The following CFAP95 variants were observed in gnomAD, a reference collection of about 807,000 sequenced individuals.
CFAP95 encodes the protein cilia and flagella associated protein 95, also known as cilia- and flagella-associated protein 95.
the CFAP95 span, among the ~76,000 whole-genome samples, chr9:69,843,316 A>G: frequency 6.6e-6 from 1 of 152,016 alleles, no homozygotes; most frequent in Non-Finnish European, 1.5e-5. Context: ...GTAACTTCTG[A>G]GGGTTGCTTA....
At chr9:69,824,219 C>T in the CFAP95 span, among the ~76,000 whole-genome samples, 3 of 151,906 alleles carry the variant, frequency 2.0e-5, no homozygotes, top group African/African-American at 7.3e-5. Context: ...AGGATAGGGA[C>T]AAAAAAGAAC....
the CFAP95 span, among the ~76,000 whole-genome samples, chr9:69,880,708 A>G: frequency 6.6e-6 from 1 of 152,138 alleles, no homozygotes; most frequent in Non-Finnish European, 1.5e-5. Flanking sequence ...ATGATAGCTC[A>G]ATTGTTAGCT....
chr9:69,824,558 CTT>C, the CFAP95 span, among the ~76,000 whole-genome samples: 62 of 138,730 alleles, frequency 4.5e-4, no homozygotes, highest in Middle Eastern at 3.7e-3. Flanking sequence ...CTATTTAATG[CTT>C]TTTTTTTTTT....
At chr9:69,898,224 A>G in the CFAP95 span, among the ~76,000 whole-genome samples, 2 of 152,080 alleles carry the variant, frequency 1.3e-5, no homozygotes, top group Non-Finnish European at 2.9e-5. Context: ...GTTGATTACC[A>G]CCACATTCTT....
At chr9:69,845,475 T>C in the CFAP95 span, among the ~76,000 whole-genome samples, 1 of 152,202 alleles carries the variant, frequency 6.6e-6, no homozygotes, top group Non-Finnish European at 1.5e-5. Flanking sequence ...GGGCTAGTTT[T>C]AGACCAGCAT....
At chr9:69,877,913 T>C in the CFAP95 span, among the ~76,000 whole-genome samples, 1 of 152,222 alleles carries the variant, frequency 6.6e-6, no homozygotes, top group Non-Finnish European at 1.5e-5. Flanking sequence ...TTTTTATTCT[T>C]CTTTATTGTG....
the CFAP95 span, among the ~76,000 whole-genome samples, chr9:69,902,724 G>A: frequency 6.7e-6 from 1 of 149,260 alleles, no homozygotes; most frequent in Non-Finnish European, 1.5e-5. Context: ...GTTAAACTTT[G>A]AAAAGCATAC....
chr9:69,855,882 T>G, the CFAP95 span, among the ~76,000 whole-genome samples: 6 of 152,332 alleles, frequency 3.9e-5, no homozygotes, highest in South Asian at 1.2e-3. Context: ...TGAGGCTTCA[T>G]GAATATCTTG....
chr9:69,869,385 C>T, the CFAP95 span, among the ~76,000 whole-genome samples: 1 of 152,048 alleles, frequency 6.6e-6, no homozygotes, highest in African/African-American at 2.4e-5. Context: ...CTCACTTCTA[C>T]GTGGAATCTA....
chr9:69,844,340 A>T, the CFAP95 span, among the ~76,000 whole-genome samples: 2 of 152,200 alleles, frequency 1.3e-5, no homozygotes, highest in East Asian at 3.8e-4. Context: ...GCTTTTAGGA[A>T]TTAGCCTCAG....
At chr9:69,872,071 A>T in the CFAP95 span, among the ~76,000 whole-genome samples, 1 of 152,186 alleles carries the variant, frequency 6.6e-6, no homozygotes, top group African/African-American at 2.4e-5. Flanking sequence ...GGGTAAAGTG[A>T]CTTTCCAAAA....
the CFAP95 span, among the ~76,000 whole-genome samples, chr9:69,842,090 C>T: frequency 6.6e-6 from 1 of 152,172 alleles, no homozygotes; most frequent in Admixed American, 6.6e-5. Flanking sequence ...AGAGATGAAA[C>T]ACTATCTGTT....
At chr9:69,902,067 C>A in the CFAP95 span, among the ~76,000 whole-genome samples, 8 of 152,150 alleles carry the variant, frequency 5.3e-5, no homozygotes, top group Admixed American at 5.2e-4. Context: ...GGCTAATATC[C>A]AGAATCTACA....
chr9:69,848,281 A>G, the CFAP95 span, among the ~76,000 whole-genome samples: 1 of 152,200 alleles, frequency 6.6e-6, no homozygotes, highest in Non-Finnish European at 1.5e-5. Flanking sequence ...AGAAAATGAC[A>G]TGGAATCATT....
the CFAP95 span, among the ~76,000 whole-genome samples, chr9:69,833,931 A>G: frequency 1.3e-5 from 2 of 152,288 alleles, no homozygotes; most frequent in Admixed American, 6.5e-5. Context: ...ACTTTGTATT[A>G]TCTACTCAAT....
At chr9:69,898,041 T>C in the CFAP95 span, among the ~76,000 whole-genome samples, 7 of 152,202 alleles carry the variant, frequency 4.6e-5, no homozygotes, top group Non-Finnish European at 8.8e-5. Flanking sequence ...TATTTTGCCC[T>C]CAGTATTCCT....
At chr9:69,905,062 G>A in the CFAP95 span, among the ~76,000 whole-genome samples, 4 of 152,098 alleles carry the variant, frequency 2.6e-5, no homozygotes, top group African/African-American at 9.7e-5. Context: ...TCAGAGCCCA[G>A]TTATGGATTA....
At chr9:69,889,583 T>C in the CFAP95 span, among the ~76,000 whole-genome samples, 1 of 152,154 alleles carries the variant, frequency 6.6e-6, no homozygotes, top group East Asian at 1.9e-4. Context: ...CACCAAATTA[T>C]TCTTAAAACC....
At chr9:69,899,580 C>T in the CFAP95 span, among the ~76,000 whole-genome samples, 1 of 152,234 alleles carries the variant, frequency 6.6e-6, no homozygotes, top group Non-Finnish European at 1.5e-5. Context: ...AAAGCCTGCT[C>T]ACAATGTTGG....
Sources: gnomAD v4.1 joint callset for allele counts (sites outside exome capture counted in the v4.1 genomes callset) on GRCh38, gnomAD v4.1.1 for gene constraint, MANE v1.5 for transcripts, NCBI Gene and HGNC (gene_info 2026-07-23, HGNC 2026-07-21) for gene names.